PHF12: variants seen among roughly 807,000 people sequenced by gnomAD.
The protein encoded by PHF12 is PHD factor 1.
PHF12 carries 6 observed loss-of-function variants against 99.8 expected under a neutral mutation model. The observed-to-expected ratio is 0.06, with a 90% CI of 0.03 to 0.12. PHF12 has a LOEUF of 0.12. Ranked by LOEUF, PHF12 falls within the 10% of genes least tolerant of loss-of-function variation. The pLI is 1.00. For synonymous variants in PHF12, 480 were observed against 514.9 expected, an observed-to-expected ratio of 0.93 and a Z score of 0.92; for missense variants, 954 against 1,300.1, an observed-to-expected ratio of 0.73 and a Z score of 4.09.
At position 28,912,723 on chromosome 17, in the gene PHF12, C is replaced by A. The variant is rs1418934305; in HGVS notation, c.1848G>T (p.Arg616Ser). 2 of 1,614,228 alleles carry A rather than the reference C, an allele frequency of 1.2e-6. No individual in the cohort carries two copies. The highest frequency in any genetic ancestry group is 1.7e-6 in the Non-Finnish European group (2 of 1,180,038). ...GCAGGCTTGGGACAGGAACCAAACTCCTCTGGGGGCAAGAGCTGGGGCCAG... is the reference window on the plus strand; with the variant it reads ...GCAGGCTTGGGACAGGAACCAAACTACTCTGGGGGCAAGAGCTGGGGCCAG... The part of the protein sequence containing the change: ...NATGPSSCPQ[R>S]SLVPVPSLPP... Residue 616 changes from arginine (R) to serine (S), a missense_variant, in exon 9 of 15, where the codon AGG becomes AGT. By Grantham distance (110) the Arg-to-Ser change is moderately radical. Around this residue, in one of 8 missense-constraint regions of PHF12, gnomAD observed 392 missense variants for 423.1 expected, o/e 0.93. Coordinates refer to ENST00000332830, the MANE Select transcript of PHF12 (RefSeq NM_001033561.2).
chr17:28,932,606 T>C (rs1254233396), intron 2 of PHF12, among the ~76,000 whole-genome samples: 2 of 152,278 alleles, frequency 1.3e-5, no homozygotes, highest in Admixed American at 6.5e-5. Flanking sequence ...CTCACGGTAC[T>C]CATGTACTTA....
chr17:28,926,823 C>T, intron 3 of PHF12, 168 bp downstream of exon 3: 1 of 1,535,146 alleles, frequency 6.5e-7, no homozygotes, highest in Non-Finnish European at 8.7e-7. Context: ...GATTTTTAGG[C>T]CCTACTGGAT....
At position 28,919,249 on chromosome 17, in the gene PHF12, T is replaced by G; in HGVS notation, c.863A>C (p.Gln288Pro). Residue 288 changes from glutamine (Q) to proline (P), a missense_variant, in exon 6 of 15, where the codon CAG becomes CCG. Around this residue, in one of 8 missense-constraint regions of PHF12, gnomAD observed 85 missense variants for 196.6 expected, o/e 0.43. Transcript: ENST00000332830. The part of the protein sequence containing the change: ...NRSCRVAPLI[Q>P]CDYCPLLFHM... ...AAACAGGAGAGGGCAATAGTCACAC[T>G]GGATGAGAGGAGCCACACGGCAACT... 6.2e-7 allele frequency: 1 copy of G among 1,614,158 alleles called. No homozygotes were observed. Among genetic ancestry groups the G allele is most frequent in the Non-Finnish European group, 8.5e-7 (1 of 1,180,018 alleles).
Position 28,907,580 on chromosome 17 carries a change from C to T in PHF12, c.2541+10G>A, listed in dbSNP as rs752441350. On this transcript the variant is annotated intron_variant, in intron 13 of 14. Transcript: ENST00000332830. ...GGAAAGCTCCCTCCCACCGCATCTCCGGCCCTCACCTCATCGTAGAATATG... is the reference window on the plus strand; with the variant it reads ...GGAAAGCTCCCTCCCACCGCATCTCTGGCCCTCACCTCATCGTAGAATATG... 16 of 1,613,566 alleles carry T rather than the reference C, an allele frequency of 9.9e-6. No homozygotes were observed. Among genetic ancestry groups the T allele is most frequent in the South Asian group, 5.5e-5 (5 of 91,064 alleles).
At chr17:28,927,526 A>G (rs112169167) in intron 2 of PHF12, among the ~76,000 whole-genome samples, 6 of 152,266 alleles carry the variant, frequency 3.9e-5, no homozygotes, top group African/African-American at 1.2e-4. Flanking sequence ...TCAAAACTCT[A>G]TTCATCCTTT....
At position 28,951,072 on chromosome 17, in the gene PHF12, A is replaced by G; in HGVS notation, c.-112T>C. 6.5e-7 allele frequency: 1 copy of G among 1,533,674 alleles called. No individual in the cohort carries two copies. The highest frequency in any genetic ancestry group is 1.2e-5 in the South Asian group (1 of 82,676). ...ACCCCGGCCCCGCTTTTTTCCCAAT[A>G]CGGGTCCCGACTTCCTCGCCCTGGC... On this transcript the variant is annotated 5_prime_UTR_variant, in exon 1 of 15. Transcript: ENST00000332830.
intron 2 of PHF12, among the ~76,000 whole-genome samples, chr17:28,927,454 T>C (rs972737947): frequency 1.3e-5 from 2 of 152,220 alleles, no homozygotes; most frequent in African/African-American, 2.4e-5. Flanking sequence ...CTTCCCACTA[T>C]TCAAATGGAA....
Position 28,950,756 on chromosome 17 carries a change from G to A in PHF12, c.66+139C>T. 5 of 1,269,230 alleles carry A rather than the reference G, an allele frequency of 3.9e-6. No individual in the cohort carries two copies. In the South Asian group the frequency reaches 6.4e-5, roughly 16 times the overall value. 78.6% of individuals were successfully genotyped at this position (1,269,230 alleles called of 1,614,324 possible). On this transcript the variant is annotated intron_variant, in intron 1 of 14. Transcript: ENST00000332830. This position sits in a 1 kb window ranked among gnomAD's most constrained non-coding sequence, Gnocchi z 5.7. ...GCTCAGCCCCCTAAATTGCAAAGAG[G>A]GGAGGGAGAGGCTAGGTGAGGAAGA... is the stretch of plus-strand genomic sequence containing the variant.
chr17:28,951,207 T>G lies in PHF12; in HGVS notation c.-247A>C. ...GCCCGGCTGCTGGCTGCACAGTGGG[T>G]CCCGGCTCCGGGGGTCAGGCCTCGG... On this transcript the variant is annotated 5_prime_UTR_variant, in exon 1 of 15. Coordinates refer to ENST00000332830, the MANE Select transcript of PHF12 (RefSeq NM_001033561.2). 1 of 1,365,600 alleles carries G rather than the reference T, an allele frequency of 7.3e-7. No homozygotes were observed. 84.6% of individuals were successfully genotyped at this position (1,365,600 alleles called of 1,614,324 possible). A position where few individuals can be genotyped will look rare whatever the true frequency, so the allele number is the denominator to read the frequency against.
intron 11 of PHF12, chr17:28,910,014 A>G (rs2039930405): frequency 1.4e-6 from 1 of 731,682 alleles, no homozygotes; most frequent in Non-Finnish European, 2.4e-6. Flanking sequence ...AGAAAGTTAC[A>G]GCAGACTTCC....
chr17:28,912,594 T>A lies in PHF12; in HGVS notation c.1977A>T (p.Pro659=). 1.2e-6 allele frequency: 2 copies of A among 1,614,192 alleles called. No individual in the cohort carries two copies. The highest frequency in any genetic ancestry group is 2.2e-5 in the East Asian group (1 of 44,886). ...QIGPPLTDSR[P]LGSPPNATRV... ...GGGTGGCGTTTGGGGGTGAGCCCAGTGGCCTTGAATCTGTCAACGGAGGTC... is the reference window on the plus strand; with the variant it reads ...GGGTGGCGTTTGGGGGTGAGCCCAGAGGCCTTGAATCTGTCAACGGAGGTC... The change falls in exon 9 of 15, where the codon CCA becomes CCT. Residue 659 remains proline (P), a synonymous_variant. Transcript: ENST00000332830.
chr17:28,938,490 A>G (rs1281833542), intron 2 of PHF12, among the ~76,000 whole-genome samples: 1 of 152,172 alleles, frequency 6.6e-6, no homozygotes, highest in African/African-American at 2.4e-5. Context: ...AGCTTCCCAA[A>G]GTGCTAGGAT....
At chr17:28,907,500 C>T (rs781482539) in intron 13 of PHF12, 90 bp downstream of exon 13, 97 of 1,309,624 alleles carry the variant, frequency 7.4e-5, no homozygotes, top group Non-Finnish European at 9.8e-5. Flanking sequence ...AATCCCTCTT[C>T]CCTCCCCTCA....
In PHF12 at chr17:28,912,870, G is replaced by A. The variant is rs1401194420; in HGVS notation, c.1701C>T (p.Gly567=). The A allele has an allele frequency of 5.6e-6, 9 of 1,611,854 alleles. No individual in the cohort carries two copies. Among genetic ancestry groups the A allele is most frequent in the East Asian group, 2.2e-5 (1 of 44,858 alleles). Reference sequence around the variant, plus strand: ...AGAGGCCTGGTAGTGGGGTGTTAGCGCCTGGAAGTCGCCGGGGGTCCGTGG... The same window carrying A: ...AGAGGCCTGGTAGTGGGGTGTTAGCACCTGGAAGTCGCCGGGGGTCCGTGG... ...TDSTDPRRLP[G]ANTPLPGLSH... Residue 567 remains glycine, a synonymous_variant, in exon 9 of 15, where the codon GGC becomes GGT. Transcript: ENST00000332830.
intron 2 of PHF12, among the ~76,000 whole-genome samples, chr17:28,932,537 C>T (rs892577227): frequency 6.6e-6 from 1 of 152,144 alleles, no homozygotes; most frequent in Non-Finnish European, 1.5e-5. Context: ...CTGTTTTGCT[C>T]CATATCAGAA....
At chr17:28,921,984 A>AG (rs973868391) in intron 4 of PHF12, among the ~76,000 whole-genome samples, 176 bp from the exon 5 acceptor site, 7 of 152,276 alleles carry the variant, frequency 4.6e-5, no homozygotes, top group African/African-American at 1.7e-4. Context: ...AAGATTAGGG[A>AG]GGAAAAAAAA....
chr17:28,923,218 C>T (rs959962054), intron 4 of PHF12, among the ~76,000 whole-genome samples: 6 of 151,890 alleles, frequency 4.0e-5, no homozygotes, highest in Admixed American at 1.3e-4. Flanking sequence ...GAAGAATAAA[C>T]AAGAATCAAC....
At position 28,910,250 on chromosome 17, in the gene PHF12, C is replaced by T. The variant is rs760570685; in HGVS notation, c.2335G>A (p.Ala779Thr). 6.2e-7 allele frequency: 1 copy of T among 1,614,208 alleles called. No homozygotes were observed. The highest frequency in any genetic ancestry group is 1.7e-5 in the Admixed American group (1 of 60,024). ...SPGSVGTHQL[A>T]SGGHHIEVQR... ...CCTTCTATGTGGTGCCCTCCAGAAG[C>T]CAGCTGATGTGTCCCGACACTGCCC... is the stretch of plus-strand genomic sequence containing the variant. Residue 779 changes from alanine (A) to threonine (T), a missense_variant, in exon 11 of 15, where the codon GCT becomes ACT. Around this residue, in one of 8 missense-constraint regions of PHF12, gnomAD observed 143 missense variants for 191.8 expected, o/e 0.75. Transcript: ENST00000332830.
At chr17:28,945,540 T>G (rs1351062095) in intron 2 of PHF12, 1 of 152,208 alleles carries the variant, frequency 6.6e-6, no homozygotes, top group South Asian at 2.1e-4. Context: ...GTAGATGCAC[T>G]TCTCTATCAG....
Sources: gnomAD v4.1 joint callset for allele counts (sites outside exome capture counted in the v4.1 genomes callset) on GRCh38, gnomAD v4.1.1 for gene constraint, gnomAD v4.1.1 regional missense constraint, Gnocchi (gnomAD v3.1) non-coding constraint, MANE v1.5 for transcripts, NCBI Gene and HGNC (gene_info 2026-07-23, HGNC 2026-07-21) for gene names.